The following GPC3 variants were observed in gnomAD, a reference collection of about 807,000 sequenced individuals.
The protein encoded by GPC3 is glypican-3.
GPC3 carries 3 observed loss-of-function variants against 34.4 expected under a neutral mutation model. The observed-to-expected ratio is 0.09, with a 90% confidence interval of 0.04 to 0.23. GPC3 has a LOEUF of 0.23. Ranked by LOEUF, GPC3 falls within the 10% of genes least tolerant of loss-of-function variation. The probability of loss-of-function intolerance (pLI) is 1.00; values close to 1 mark genes in which losing one functional copy is unlikely to be tolerated. For missense variants in GPC3, 351 were observed against 445.6 expected (o/e 0.79, Z 1.91); for synonymous variants, 177 against 174.0 (o/e 1.02, Z -0.13).
intron 2 of GPC3, among the ~76,000 whole-genome samples, chrX:133,838,631 G>A (rs760127059): frequency 2.7e-5 from 3 of 111,963 alleles, no homozygotes; most frequent in Non-Finnish European, 5.6e-5. Flanking sequence ...CATACTCCTG[G>A]TTTGGGGCCA....
At chrX:133,579,265 T>A (rs1233062059) in intron 7 of GPC3, among the ~76,000 whole-genome samples, 1 of 112,536 alleles carries the variant, frequency 8.9e-6, no homozygotes, top group East Asian at 2.8e-4. Flanking sequence ...CCGCTTTACA[T>A]TACAATGATC....
chrX:133,957,072 A>G (rs1389888762), intron 1 of GPC3, among the ~76,000 whole-genome samples: 1 of 111,927 alleles, frequency 8.9e-6, no homozygotes, highest in Non-Finnish European at 1.9e-5. Context: ...AACTTTTGGG[A>G]AAACATGTCA....
chrX:133,902,337 A>G (rs1482072785), intron 2 of GPC3, among the ~76,000 whole-genome samples: 1 of 112,602 alleles, frequency 8.9e-6, no homozygotes, highest in Non-Finnish European at 1.9e-5. Context: ...AAAAATAATT[A>G]TCTACATCTA....
At chrX:133,962,724 C>T (rs765374772) in intron 1 of GPC3, among the ~76,000 whole-genome samples, 1 of 111,482 alleles carries the variant, frequency 9.0e-6, no homozygotes, top group East Asian at 2.8e-4. Context: ...AGCTGAGACC[C>T]TGTCTTTCAG....
chrX:133,795,465 G>T (rs899910923), intron 2 of GPC3, among the ~76,000 whole-genome samples: 1 of 111,458 alleles, frequency 9.0e-6, no homozygotes, highest in African/African-American at 3.3e-5. Flanking sequence ...CCTGGTCAAG[G>T]TGGGGCGAGA....
intron 2 of GPC3, among the ~76,000 whole-genome samples, chrX:133,912,541 G>T (rs1030951164): frequency 3.7e-5 from 4 of 107,607 alleles, no homozygotes; most frequent in Non-Finnish European, 1.9e-5. Context: ...GGGGAAGGGG[G>T]GTGCGTGTTA....
At chrX:133,741,478 C>T (rs764839112) in intron 3 of GPC3, among the ~76,000 whole-genome samples, 15 of 111,217 alleles carry the variant, frequency 1.3e-4, no homozygotes, top group Non-Finnish European at 2.4e-4. Flanking sequence ...CCCCATCCTG[C>T]CTCATTCCAG....
chrX:133,607,944 A>G (rs2070068234), intron 6 of GPC3, among the ~76,000 whole-genome samples: 1 of 112,733 alleles, frequency 8.9e-6, no homozygotes, highest in African/African-American at 3.2e-5. Context: ...GCCTCTGCCA[A>G]TTCCCAGATA....
intron 7 of GPC3, among the ~76,000 whole-genome samples, chrX:133,562,609 C>T (rs1335303963): frequency 9.1e-6 from 1 of 109,726 alleles, no homozygotes; most frequent in Non-Finnish European, 1.9e-5. Flanking sequence ...TCAGCCTGGG[C>T]GAAAGAGTGA....
At chrX:133,805,113 G>C (rs1028278625) in intron 2 of GPC3, among the ~76,000 whole-genome samples, 3 of 112,134 alleles carry the variant, frequency 2.7e-5, no homozygotes, top group Non-Finnish European at 5.6e-5. Flanking sequence ...GAGTTGTGTT[G>C]AGTATATGAG....
chrX:133,744,676 A>G (rs1385129976), intron 3 of GPC3, among the ~76,000 whole-genome samples: 6 of 112,373 alleles, frequency 5.3e-5, no homozygotes, highest in African/African-American at 1.9e-4. Flanking sequence ...ATACCCAAAG[A>G]ATTATAAATC....
chrX:133,794,953 G>A (rs1352138086), intron 2 of GPC3, among the ~76,000 whole-genome samples: 1 of 112,060 alleles, frequency 8.9e-6, no homozygotes, highest in Non-Finnish European at 1.9e-5. Flanking sequence ...CTTGCCCACT[G>A]GACTATGAAC....
At chrX:133,656,442 C>T (rs1883182249) in intron 6 of GPC3, among the ~76,000 whole-genome samples, 2 of 111,937 alleles carry the variant, frequency 1.8e-5, no homozygotes, top group South Asian at 7.5e-4. Context: ...ACTCAGTAGA[C>T]TTCTAATGCC....
intron 7 of GPC3, among the ~76,000 whole-genome samples, chrX:133,569,677 TG>T (rs1243835888): frequency 8.9e-6 from 1 of 112,146 alleles, no homozygotes; most frequent in African/African-American, 3.2e-5. Context: ...CACTCTATGC[TG>T]GATGGACGTT....
intron 2 of GPC3, among the ~76,000 whole-genome samples, chrX:133,795,382 T>G (rs2075573269): frequency 8.9e-6 from 1 of 111,821 alleles, no homozygotes; most frequent in South Asian, 3.8e-4. Flanking sequence ...CTGCTTACGC[T>G]TTGCTAGGAT....
intron 6 of GPC3, among the ~76,000 whole-genome samples, chrX:133,618,818 C>T (rs900226114): frequency 9.1e-6 from 1 of 109,484 alleles, no homozygotes; most frequent in African/African-American, 3.3e-5. Flanking sequence ...TATTTAATGG[C>T]CAAAGAAAAA....
intron 2 of GPC3, among the ~76,000 whole-genome samples, chrX:133,940,243 G>A (rs1290093880): frequency 1.8e-5 from 2 of 111,275 alleles, no homozygotes; most frequent in African/African-American, 3.3e-5. Flanking sequence ...GGGGTGTTTT[G>A]TTTATTTCTC....
Position 133,536,060 on chromosome X carries a change from G to T in GPC3, c.*64C>A. The T allele has an allele frequency of 2.3e-6, 2 of 870,614 alleles. No homozygotes were observed. The highest frequency in any genetic ancestry group is 3.3e-6 in the Non-Finnish European group (2 of 599,461). The allele number at this position is 870,614 out of a possible 1,213,427, so 71.7% of individuals were successfully genotyped here. A position where few individuals can be genotyped will look rare whatever the true frequency, so the allele number is the denominator to read the frequency against. ...AAAAATAGAAAAAAATAAGAAAGTG[G>T]TTCCCTTTATCGAGGAAGACCACAG... On this transcript the variant is annotated 3_prime_UTR_variant, in exon 8 of 8. Coordinates refer to ENST00000370818, the MANE Select transcript of GPC3 (RefSeq NM_004484.4).
At chrX:133,874,191 C>T (rs184178471) in intron 2 of GPC3, among the ~76,000 whole-genome samples, 25 of 112,139 alleles carry the variant, frequency 2.2e-4, no homozygotes, top group African/African-American at 7.1e-4. Flanking sequence ...GCCACCTGGT[C>T]TCCCAAACAT....
Sources: gnomAD v4.1 joint callset for allele counts (sites outside exome capture counted in the v4.1 genomes callset) on GRCh38, gnomAD v4.1.1 for gene constraint, MANE v1.5 for transcripts, NCBI Gene and HGNC (gene_info 2026-07-23, HGNC 2026-07-21) for gene names.